Variants in EYA4 observed in about 807,000 individuals in gnomAD.
EYA4 encodes the protein EYA transcriptional coactivator and phosphatase 4, also known as protein phosphatase EYA4.
Under a neutral mutation model 87.9 loss-of-function variants are expected in EYA4, and 31 were observed. The observed-to-expected ratio is 0.35, with a 90% CI of 0.27 to 0.48. EYA4 has a LOEUF of 0.48. Ranked by LOEUF, EYA4 falls within the 20% of genes least tolerant of loss-of-function variation. EYA4 has a pLI of 0.99. For missense variants in EYA4, 678 were observed against 761.4 expected (o/e 0.89, Z 1.29); for synonymous variants, 263 against 270.6 (o/e 0.97, Z 0.28).
intron 11 of EYA4, among the ~76,000 whole-genome samples, chr6:133,476,960 G>A (rs934913759): frequency 3.3e-5 from 5 of 152,070 alleles, no homozygotes; most frequent in Non-Finnish European, 7.4e-5. Context: ...CCTCCATGCT[G>A]TTCTCGTGAT....
chr6:133,252,676 G>A (rs947112654), intron 1 of EYA4, among the ~76,000 whole-genome samples: 3 of 151,950 alleles, frequency 2.0e-5, no homozygotes, highest in African/African-American at 7.2e-5. Flanking sequence ...GTTTTGGGTT[G>A]AATTTCAAAA....
intron 1 of EYA4, among the ~76,000 whole-genome samples, chr6:133,264,502 A>G (rs1445953716): frequency 6.6e-6 from 1 of 152,248 alleles, no homozygotes; most frequent in Non-Finnish European, 1.5e-5. Flanking sequence ...AGCAGGGAAC[A>G]ATGATGGCGG....
At chr6:133,451,865 A>AT (rs1308357493) in intron 5 of EYA4, among the ~76,000 whole-genome samples, 1 of 152,122 alleles carries the variant, frequency 6.6e-6, no homozygotes, top group East Asian at 1.9e-4. Context: ...ATCTTCTAGA[A>AT]TTTTTACTGT....
intron 6 of EYA4, among the ~76,000 whole-genome samples, chr6:133,459,456 G>A (rs1182185893): frequency 1.3e-5 from 2 of 151,998 alleles, no homozygotes; most frequent in Non-Finnish European, 2.9e-5. Flanking sequence ...CGTCTCTTTG[G>A]AAAAGCCTTC....
At chr6:133,438,937 G>A (rs1450642718) in intron 3 of EYA4, among the ~76,000 whole-genome samples, 2 of 151,484 alleles carry the variant, frequency 1.3e-5, no homozygotes, top group Non-Finnish European at 2.9e-5. Flanking sequence ...AGCTACTCGG[G>A]AGGCTGAGGC....
chr6:133,332,711 A>ATTTTTTTTTTTTTTTTTTTTTTTTTTT (rs71003634), intron 2 of EYA4, among the ~76,000 whole-genome samples: 1 of 124,892 alleles, frequency 8.0e-6, no homozygotes. Flanking sequence ...GCCCAGCTAA[A>ATTTTTTTTTTTTTTTTTTTTTTTTTTT]TTTTTTTTTT....
chr6:133,302,556 G>A (rs6924144), intron 2 of EYA4, among the ~76,000 whole-genome samples: 2 of 152,230 alleles, frequency 1.3e-5, no homozygotes, highest in East Asian at 3.9e-4. Flanking sequence ...TTATACTTGT[G>A]TTTTTAGCCT....
intron 3 of EYA4, among the ~76,000 whole-genome samples, chr6:133,401,208 G>C (rs866487963): frequency 1.3e-5 from 2 of 152,150 alleles, no homozygotes; most frequent in Non-Finnish European, 1.5e-5. Flanking sequence ...TAAGGATAGA[G>C]AGTAGATTGT....
chr6:133,518,415 A>T (rs982227680), intron 17 of EYA4, among the ~76,000 whole-genome samples: 4 of 152,140 alleles, frequency 2.6e-5, no homozygotes, highest in Non-Finnish European at 4.4e-5. Context: ...TACCATATTG[A>T]TACAATTGCA....
At position 133,529,522 on chromosome 6, in the gene EYA4, G is replaced by GAAAAAAAA. The variant is rs1368384338; in HGVS notation, c.*718_*725dup. On this transcript the variant is annotated 3_prime_UTR_variant, in exon 20 of 20. Coordinates refer to ENST00000355286, the MANE Select transcript of EYA4 (RefSeq NM_004100.5). The stretch of plus-strand genomic sequence containing the variant: ...TTTGGTTAAAATCTCTGTAGATAAT[G>GAAAAAAAA]AAAAAAAACAAAAAAAAAAACCTTT... 1.2e-6 allele frequency: 1 copy of GAAAAAAAA among 844,828 alleles called. No homozygotes were observed. The highest frequency in any genetic ancestry group is 2.3e-5 in the African/African-American group (1 of 43,722). 52.3% of individuals were successfully genotyped at this position (844,828 alleles called of 1,614,324 possible). A position where few individuals can be genotyped will look rare whatever the true frequency, so the allele number is the denominator to read the frequency against.
intron 13 of EYA4, among the ~76,000 whole-genome samples, chr6:133,483,716 ATTATTATTATT>A (rs1039800310): frequency 5.7e-5 from 6 of 105,830 alleles, no homozygotes; most frequent in Non-Finnish European, 9.9e-5. Flanking sequence ...TATTATTATT[ATTATTATTATT>A]ATTATTATTA....
intron 11 of EYA4, among the ~76,000 whole-genome samples, chr6:133,479,015 A>G (rs1350183055): frequency 1.3e-5 from 2 of 152,172 alleles, no homozygotes; most frequent in African/African-American, 4.8e-5. Flanking sequence ...TTGATCTATA[A>G]TGACTATAAG....
At chr6:133,268,449 A>G (rs766326421) in intron 1 of EYA4, among the ~76,000 whole-genome samples, 1 of 152,152 alleles carries the variant, frequency 6.6e-6, no homozygotes, top group Admixed American at 6.5e-5. Flanking sequence ...TTTCCTCGGA[A>G]AGAGAGCACT....
At chr6:133,467,667 G>A (rs1794968557) in intron 10 of EYA4, among the ~76,000 whole-genome samples, 1 of 151,520 alleles carries the variant, frequency 6.6e-6, no homozygotes, top group Admixed American at 6.6e-5. Flanking sequence ...TTATTTTTTG[G>A]AAACCACATC....
chr6:133,342,589 A>G (rs1173014383), intron 2 of EYA4, among the ~76,000 whole-genome samples: 5 of 96,102 alleles, frequency 5.2e-5, no homozygotes, highest in African/African-American at 1.9e-4. Context: ...ATATATATAT[A>G]TATATATATA....
Position 133,464,788 on chromosome 6 carries a change from T to C in EYA4, c.734T>C (p.Phe245Ser). The C allele has an allele frequency of 6.2e-7, 1 of 1,605,222 alleles. No individual in the cohort carries two copies. Among genetic ancestry groups the C allele is most frequent in the Non-Finnish European group, 8.5e-7 (1 of 1,172,674 alleles). Residue 245 changes from phenylalanine to serine, a missense_variant, in exon 10 of 20, where the codon TTT becomes TCT. Transcript: ENST00000355286. ...PYSYQMPGSS[F>S]APSSTIYANN... ...TGTTTTTTACCTCTAGGTTCTAGTT[T>C]TGCACCATCATCTACTATTTATGCA...
At chr6:133,519,351 A>G (rs1006821209) in intron 17 of EYA4, among the ~76,000 whole-genome samples, 2 of 152,060 alleles carry the variant, frequency 1.3e-5, no homozygotes, top group Non-Finnish European at 2.9e-5. Flanking sequence ...AACTACCATC[A>G]GAATACTACA....
chr6:133,518,808 A>G (rs1379346789), intron 17 of EYA4, among the ~76,000 whole-genome samples: 8 of 152,202 alleles, frequency 5.3e-5, no homozygotes, highest in African/African-American at 1.7e-4. Flanking sequence ...CTCAGACCAC[A>G]GTGCAATCAA....
intron 3 of EYA4, among the ~76,000 whole-genome samples, chr6:133,405,214 C>G (rs147912538): frequency 6.6e-6 from 1 of 152,172 alleles, no homozygotes; most frequent in Non-Finnish European, 1.5e-5. Flanking sequence ...AGCATTTTAT[C>G]TGTCTTCCAA....
Sources: gnomAD v4.1 joint callset for allele counts (sites outside exome capture counted in the v4.1 genomes callset) on GRCh38, gnomAD v4.1.1 for gene constraint, MANE v1.5 for transcripts, NCBI Gene and HGNC (gene_info 2026-07-23, HGNC 2026-07-21) for gene names.